Variants in NBEAL1 observed in about 807,000 individuals in gnomAD.
NBEAL1 encodes neurobeachin-like protein 1.
NBEAL1 carries 273 observed loss-of-function variants against 351.3 expected under a neutral mutation model. That is an observed-to-expected ratio of 0.78 (90% CI 0.70 to 0.86). The LOEUF (loss-of-function observed/expected upper bound fraction) is 0.86. NBEAL1 is among the 40% of genes least tolerant of loss of function. The probability of loss-of-function intolerance (pLI) is 0.00; values close to 1 mark genes in which losing one functional copy is unlikely to be tolerated. For synonymous variants in NBEAL1, 1,050 were observed against 1,086.4 expected (o/e 0.97, Z 0.66); for missense variants, 2,961 against 3,201.3 (o/e 0.92, Z 1.81).
chr2:203,094,428 G>T (rs955316254), intron 10 of NBEAL1, among the ~76,000 whole-genome samples: 2 of 152,146 alleles, frequency 1.3e-5, no homozygotes, highest in South Asian at 4.2e-4. Flanking sequence ...AATCCTTTAT[G>T]TTCTTTTTAT....
At chr2:203,051,665 TCC>T (rs1280206949) in intron 4 of NBEAL1, among the ~76,000 whole-genome samples, 1 of 152,148 alleles carries the variant, frequency 6.6e-6, no homozygotes, top group African/African-American at 2.4e-5. Flanking sequence ...AAATCAAAAA[TCC>T]TACAGATATT....
chr2:203,069,108 T>G (rs992062864), intron 7 of NBEAL1, among the ~76,000 whole-genome samples: 9 of 152,216 alleles, frequency 5.9e-5, no homozygotes, highest in Non-Finnish European at 1.0e-4. Flanking sequence ...TATATGTGAC[T>G]TATATATGCC....
At chr2:203,117,268 TC>T (rs1324243502) in intron 18 of NBEAL1, among the ~76,000 whole-genome samples, 1 of 151,082 alleles carries the variant, frequency 6.6e-6, no homozygotes, top group Non-Finnish European at 1.5e-5. Context: ...ATCGAGACCA[TC>T]CTGGCTAACA....
At chr2:203,134,147 G>C (rs2063143582) in intron 27 of NBEAL1, among the ~76,000 whole-genome samples, 1 of 152,130 alleles carries the variant, frequency 6.6e-6, no homozygotes, top group Admixed American at 6.5e-5. Flanking sequence ...TATACAAACA[G>C]TGTGTGTGAC....
Position 203,128,584 on chromosome 2 carries a change from AG to A in NBEAL1, c.3405+648del, listed in dbSNP as rs200386755. On this transcript the variant is annotated intron_variant, in intron 24 of 55. Transcript: ENST00000683969. ...TAGCATCGAAGTTATCATCAAAGTT[AG>A]TGGGTAGATTTCTTTCTTTTTTTTT... Among the ~76,000 whole-genome samples, 72 of 144,486 alleles carry A rather than the reference AG, an allele frequency of 5.0e-4. No individual in the cohort carries two copies. The East Asian group carries it at 0.014, about 29-fold the overall frequency. The allele number at this position is 144,486 out of a possible 152,430, so 94.8% of individuals were successfully genotyped here. A position where few individuals can be genotyped will look rare whatever the true frequency, so the allele number is the denominator to read the frequency against.
rs1344807011 is a variant in NBEAL1 at position 203,024,199 on chromosome 2, C to CA, written c.51+7777dup. On this transcript the variant is annotated intron_variant, in intron 2 of 55. Coordinates refer to ENST00000683969, the MANE Select transcript of NBEAL1 (RefSeq NM_001378026.1). ...TGACAGAGTAAGACTCTTTCTCACA[C>CA]AAAAAAAAAAAAAGAAAAAAAGAAA... Among the ~76,000 whole-genome samples the CA allele has an allele frequency of 9.3e-3, 816 of 87,996 alleles. 8 individuals carry two copies. Among genetic ancestry groups the CA allele is most frequent in the African/African-American group, 0.027 (639 of 23,454 alleles). The allele number at this position is 87,996 out of a possible 152,430, so 57.7% of individuals were successfully genotyped here.
intron 18 of NBEAL1, among the ~76,000 whole-genome samples, chr2:203,117,236 G>A (rs566114840): frequency 3.9e-5 from 6 of 152,278 alleles, no homozygotes; most frequent in East Asian, 1.9e-4. Flanking sequence ...AGACCGAGGC[G>A]GGCGGATCAC....
At chr2:203,077,383 A>G (rs560503165) in intron 7 of NBEAL1, among the ~76,000 whole-genome samples, 2 of 152,126 alleles carry the variant, frequency 1.3e-5, no homozygotes, top group Non-Finnish European at 2.9e-5. Context: ...GGAAAAAAAA[A>G]AGAGAGAGAC....
chr2:203,149,149 G>A lies in NBEAL1; in HGVS notation c.5462+1G>A. 6.3e-7 allele frequency: 1 copy of A among 1,581,660 alleles called. No individual in the cohort carries two copies. The highest frequency in any genetic ancestry group is 8.6e-7 in the Non-Finnish European group (1 of 1,164,276). Reference sequence around the variant, plus strand: ...GTGAAAGGGGACCTTGGGCTAAAAGGTAAGAGGATATAATTTTATTAAGTA... The same window carrying A: ...GTGAAAGGGGACCTTGGGCTAAAAGATAAGAGGATATAATTTTATTAAGTA... On this transcript the variant is annotated splice_donor_variant, in intron 34 of 55. Coordinates refer to ENST00000683969, the MANE Select transcript of NBEAL1 (RefSeq NM_001378026.1). LOFTEE classifies it high-confidence loss of function.
intron 4 of NBEAL1, among the ~76,000 whole-genome samples, chr2:203,055,606 T>TA (rs34191033): frequency 0.3 from 45,575 of 149,430 alleles, 7,386 homozygotes; most frequent in East Asian, 0.61. Flanking sequence ...TCCCATCTCT[T>TA]AAAAAAAAAA....
At chr2:203,209,413 A>T (rs1021308108) in intron 53 of NBEAL1, 91 bp downstream of exon 53, 1 of 953,128 alleles carries the variant, frequency 1.0e-6, no homozygotes, top group Non-Finnish European at 1.6e-6. Context: ...AGAAGGAAAG[A>T]ACACCATATT....
intron 31 of NBEAL1, among the ~76,000 whole-genome samples, chr2:203,140,707 A>C (rs1467946670): frequency 2.6e-5 from 4 of 152,204 alleles, no homozygotes; most frequent in African/African-American, 7.2e-5. Flanking sequence ...TTTGTCTAGT[A>C]ATTCTACTCT....
At chr2:203,148,672 A>C (rs1367335368) in intron 33 of NBEAL1, among the ~76,000 whole-genome samples, 2 of 152,052 alleles carry the variant, frequency 1.3e-5, no homozygotes, top group Non-Finnish European at 2.9e-5. Context: ...ATTTTACTTG[A>C]CAGTAAGTAG....
intron 2 of NBEAL1, among the ~76,000 whole-genome samples, chr2:203,020,417 G>C (rs1400378741): frequency 6.6e-6 from 1 of 152,114 alleles, no homozygotes; most frequent in Non-Finnish European, 1.5e-5. Context: ...GCTTATGTCT[G>C]TAAGGCTCAC....
chr2:203,071,327 C>T (rs2061678295), intron 7 of NBEAL1, among the ~76,000 whole-genome samples: 1 of 152,120 alleles, frequency 6.6e-6, no homozygotes, highest in African/African-American at 2.4e-5. Context: ...TTGCTGTGTC[C>T]TCACATGTTG....
At chr2:203,190,135 C>CAA (rs879218352) in intron 45 of NBEAL1, among the ~76,000 whole-genome samples, 157 bp from the exon 46 acceptor site, 1 of 114,922 alleles carries the variant, frequency 8.7e-6, no homozygotes, top group African/African-American at 3.3e-5. Context: ...GACTCTGTCT[C>CAA]AAAAAAAAAA....
At position 203,126,685 on chromosome 2, in the gene NBEAL1, T is replaced by C. The variant is rs769333833; in HGVS notation, c.3114T>C (p.Ile1038=). 2.6e-6 allele frequency: 4 copies of C among 1,516,830 alleles called. No homozygotes were observed. The highest frequency in any genetic ancestry group is 2.8e-5 in the African/African-American group (2 of 71,640). 94.0% of individuals were successfully genotyped at this position (1,516,830 alleles called of 1,614,324 possible). The change falls in exon 22 of 56, where the codon ATT becomes ATC. Residue 1038 remains isoleucine (I), a synonymous_variant. Transcript: ENST00000683969. Reference sequence around the variant, plus strand: ...AATATTTACTCTTTGACTTTCGTATTTGGAACCGTGGAGATTTTCCCTTTC... The same window carrying C: ...AATATTTACTCTTTGACTTTCGTATCTGGAACCGTGGAGATTTTCCCTTTC... ...MYQYLLFDFR[I]WNRGDFPFRI... is the part of the protein sequence containing the mutation.
chr2:203,209,169 G>C lies in NBEAL1; in HGVS notation c.7632G>C (p.Thr2544=). 6.2e-7 allele frequency: 1 copy of C among 1,611,632 alleles called. No individual in the cohort carries two copies. The highest frequency in any genetic ancestry group is 1.1e-5 in the South Asian group (1 of 90,882). ...ATATATCCTGTGTGTAGGATGGAAC[G>C]GTGATTATACATACCATTCAGAAAG... is the stretch of plus-strand genomic sequence containing the variant. ...DMAVSGSRDG[T]VIIHTIQKGQ... Residue 2544 remains threonine (T), a synonymous_variant, in exon 53 of 56, where the codon ACG becomes ACC. Transcript: ENST00000683969.
chr2:203,187,740 G>A (rs1310916746), intron 44 of NBEAL1, among the ~76,000 whole-genome samples: 3 of 132,510 alleles, frequency 2.3e-5, no homozygotes, highest in Non-Finnish European at 3.2e-5. Context: ...GAGAGACTTC[G>A]TCCCAAAAAA....
Sources: allele counts gnomAD v4.1 joint callset (sites outside exome capture counted in the v4.1 genomes callset), GRCh38; gene constraint gnomAD v4.1.1; transcripts MANE v1.5; gene names NCBI Gene and HGNC (gene_info 2026-07-23, HGNC 2026-07-21).